MDH2: variants seen among roughly 807,000 people sequenced by gnomAD.
MDH2 encodes malate dehydrogenase 2.
A neutral mutation model predicts 33.6 loss-of-function variants in MDH2; 25 were observed. That is an observed-to-expected ratio of 0.74 (90% CI 0.54 to 1.04). The LOEUF is 1.04. Among genes scored for constraint, MDH2 ranks in the 50% least tolerant of loss-of-function variants. MDH2 has a pLI of 0.00. For synonymous variants in MDH2, 193 were observed against 188.7 expected (o/e 1.02, Z -0.19); for missense variants, 432 against 445.0 (o/e 0.97, Z 0.26).
At position 76,054,920 on chromosome 7, in the gene MDH2, C is replaced by G. The variant is rs1554585988; in HGVS notation, c.157C>G (p.Leu53Val). The G allele has an allele frequency of 1.9e-6, 3 of 1,614,152 alleles. No individual in the cohort carries two copies. The South Asian group carries it at 3.3e-5, about 18-fold the overall frequency. ...GAAGAACAGCCCCTTGGTGAGCCGC[C>G]TGACCCTCTATGATATCGCGCACAC... The part of the protein sequence containing the change: ...LLKNSPLVSR[L>V]TLYDIAHTPG... Residue 53 changes from leucine to valine, a missense_variant, in exon 2 of 9, where the codon CTG becomes GTG. By Grantham distance (32) the Leu-to-Val change is conservative. Transcript: ENST00000315758.
At chr7:76,051,946 G>A (rs1449922699) in intron 1 of MDH2, among the ~76,000 whole-genome samples, 1 of 152,172 alleles carries the variant, frequency 6.6e-6, no homozygotes, top group Non-Finnish European at 1.5e-5. Context: ...TGCAAAGCAT[G>A]TAAAGATTAT....
At chr7:76,052,207 G>T (rs1267889387) in intron 1 of MDH2, among the ~76,000 whole-genome samples, 4 of 152,112 alleles carry the variant, frequency 2.6e-5, no homozygotes, top group African/African-American at 7.2e-5. Context: ...GACAGTCTGG[G>T]CATGGTAGCT....
intron 1 of MDH2, among the ~76,000 whole-genome samples, chr7:76,051,318 A>ATTTT (rs11342333): frequency 7.7e-6 from 1 of 129,822 alleles, no homozygotes; most frequent in Non-Finnish European, 1.6e-5. Flanking sequence ...CAGACTTTGG[A>ATTTT]TTTTTTTTTT....
chr7:76,060,613 G>GTT, intron 5 of MDH2, 115 bp downstream of exon 5: 18 of 1,437,680 alleles, frequency 1.3e-5, no homozygotes, highest in Non-Finnish European at 1.7e-5. Flanking sequence ...TCACTTTGGG[G>GTT]TTTTAAATGT....
intron 1 of MDH2, chr7:76,054,564 T>G (rs1797714904): frequency 6.8e-6 from 3 of 444,208 alleles, no homozygotes; most frequent in Non-Finnish European, 1.2e-5. Context: ...CCTGATGGAG[T>G]CCAGCTTGTT....
intron 1 of MDH2, among the ~76,000 whole-genome samples, chr7:76,051,457 G>A (rs1240694708): frequency 2.6e-5 from 4 of 151,888 alleles, no homozygotes; most frequent in African/African-American, 7.3e-5. Context: ...GAGTAGCTGG[G>A]ATTACAGGCA....
rs1202158789 is a variant in MDH2, at chr7:76,048,196, T to C, written c.36T>C (p.Ala12=). ...CCCTCGCCCGGCCTGCCAGCGCTGC[T>C]CTCCGCCGCAGCTTCAGCACCTCGG... is the stretch of plus-strand genomic sequence containing the variant. ...LSALARPASA[A]LRRSFSTSAQ... The change falls in exon 1 of 9, where the codon GCT becomes GCC. Residue 12 remains alanine (A), a synonymous_variant. Transcript: ENST00000315758. The C allele has an allele frequency of 5.2e-6, 8 of 1,536,298 alleles. No individual in the cohort carries two copies. Among genetic ancestry groups the C allele is most frequent in the Non-Finnish European group, 2.6e-6 (3 of 1,146,906 alleles).
intron 1 of MDH2, chr7:76,048,780 CTCT>C (rs1380064209): frequency 7.3e-6 from 9 of 1,226,436 alleles, no homozygotes; most frequent in Non-Finnish European, 9.1e-6. Flanking sequence ...TTTGGAGGAT[CTCT>C]CCTGCTGTGG....
At position 76,066,586 on chromosome 7, in the gene MDH2, T is replaced by TATATATATATATATA; in HGVS notation, c.*176_*177insATATATATATATATA. 1.3e-6 allele frequency: 1 copy of TATATATATATATATA among 756,006 alleles called. No individual in the cohort carries two copies. The allele number at this position is 756,006 out of a possible 1,614,324, so 46.8% of individuals were successfully genotyped here. ...GCGCATCAATAAAAGCCGTCCTTGA[T>TATATATATATATATA]TTTATTTTTCAAGGTCCCTTCTGTA... is the stretch of plus-strand genomic sequence containing the variant. On this transcript the variant is annotated 3_prime_UTR_variant, in exon 9 of 9. Transcript: ENST00000315758.
intron 5 of MDH2, among the ~76,000 whole-genome samples, chr7:76,061,940 T>C (rs142916694): frequency 1.3e-3 from 192 of 152,332 alleles, no homozygotes; most frequent in African/African-American, 4.4e-3. Flanking sequence ...ACATTTAAGA[T>C]GCTCCATGGC....
chr7:76,066,441 T>C lies in MDH2; in HGVS notation c.*31T>C, dbSNP rs1554587922. 1 of 1,590,852 alleles carries C rather than the reference T, an allele frequency of 6.3e-7. No homozygotes were observed. The highest frequency in any genetic ancestry group is 8.6e-7 in the Non-Finnish European group (1 of 1,169,548). ...TGTGACGGGTGGCCAGTTTCCTTAATTTATGAAGGCATCATGTCACTGCAA... is the reference window on the plus strand; with the variant it reads ...TGTGACGGGTGGCCAGTTTCCTTAACTTATGAAGGCATCATGTCACTGCAA... On this transcript the variant is annotated 3_prime_UTR_variant, in exon 9 of 9. Coordinates refer to ENST00000315758, the MANE Select transcript of MDH2 (RefSeq NM_005918.4).
intron 8 of MDH2, among the ~76,000 whole-genome samples, chr7:76,065,943 C>T (rs1798084272): frequency 6.6e-6 from 1 of 152,178 alleles, no homozygotes; most frequent in Non-Finnish European, 1.5e-5. Flanking sequence ...TTCCTGGCGT[C>T]CAGGTGCTTG....
chr7:76,056,689 G>A (rs867973), intron 2 of MDH2, among the ~76,000 whole-genome samples: 24,372 of 152,154 alleles, frequency 0.16, 2,387 homozygotes, highest in East Asian at 0.29. Context: ...AGCACAGGAC[G>A]TTTTCTTTCC....
rs1798118190 is a variant in MDH2, at chr7:76,067,251, A to C, written c.*841A>C. The C allele has an allele frequency of 6.6e-6, 1 of 152,266 alleles. No homozygotes were observed. Among genetic ancestry groups the C allele is most frequent in the Non-Finnish European group, 1.5e-5 (1 of 68,058 alleles). 9.4% of individuals were successfully genotyped at this position (152,266 alleles called of 1,614,324 possible). A position where few individuals can be genotyped will look rare whatever the true frequency, so the allele number is the denominator to read the frequency against. On this transcript the variant is annotated 3_prime_UTR_variant, in exon 9 of 9. Transcript: ENST00000315758. The stretch of plus-strand genomic sequence containing the variant: ...CCAGACACTGTGGCCTCTGAAGTGG[A>C]AACTGAAAGCTGCATACCTGGGAAA...
At chr7:76,058,207 G>A (rs1797844508) in intron 4 of MDH2, 129 bp downstream of exon 4, 3 of 817,808 alleles carry the variant, frequency 3.7e-6, no homozygotes, top group Admixed American at 4.6e-5. Flanking sequence ...ACAGATGAAG[G>A]GGCTGAAATG....
At chr7:76,051,154 G>T (rs572093506) in intron 1 of MDH2, among the ~76,000 whole-genome samples, 1 of 152,010 alleles carries the variant, frequency 6.6e-6, no homozygotes, top group African/African-American at 2.4e-5. Flanking sequence ...CAAGGTACTG[G>T]GATTATAGAC....
Position 76,058,006 on chromosome 7 carries a change from G to A in MDH2, c.357G>A (p.Thr119=), listed in dbSNP as rs1186340011. Residue 119 remains threonine, a synonymous_variant, in exon 4 of 9, where the codon ACG becomes ACA. Coordinates refer to ENST00000315758, the MANE Select transcript of MDH2 (RefSeq NM_005918.4). ...TRDDLFNTNA[T]IVATLTAACA... is the part of the protein sequence containing the mutation. Reference sequence around the variant, plus strand: ...ACGACCTGTTCAACACCAATGCCACGATTGTGGCCACCCTGACCGCTGCCT... The same window carrying A: ...ACGACCTGTTCAACACCAATGCCACAATTGTGGCCACCCTGACCGCTGCCT... 3 of 1,614,072 alleles carry A rather than the reference G, an allele frequency of 1.9e-6. No individual in the cohort carries two copies. Among genetic ancestry groups the A allele is most frequent in the East Asian group, 2.2e-5 (1 of 44,890 alleles).
chr7:76,055,717 A>C (rs1468732303), intron 2 of MDH2, among the ~76,000 whole-genome samples: 2 of 149,948 alleles, frequency 1.3e-5, no homozygotes, highest in Admixed American at 1.3e-4. Context: ...AGCCTAGGTG[A>C]GATAGTGAGA....
chr7:76,051,677 C>T (rs1223832103), intron 1 of MDH2, among the ~76,000 whole-genome samples: 1 of 152,140 alleles, frequency 6.6e-6, no homozygotes, highest in South Asian at 2.1e-4. Flanking sequence ...AATGTATTTA[C>T]TTATAGGTAT....
Sources: allele counts gnomAD v4.1 joint callset (sites outside exome capture counted in the v4.1 genomes callset), GRCh38; gene constraint gnomAD v4.1.1; transcripts MANE v1.5; gene names NCBI Gene and HGNC (gene_info 2026-07-23, HGNC 2026-07-21).